The following ERC2 variants were observed in gnomAD, a reference collection of about 807,000 sequenced individuals.
ERC2 encodes the protein ERC protein 2.
Under a neutral mutation model 114.8 loss-of-function variants are expected in ERC2, and 42 were observed. That is an observed-to-expected ratio of 0.37 (90% CI 0.29 to 0.47). The LOEUF is 0.47. ERC2 is among the 20% of genes least tolerant of loss of function. The probability of loss-of-function intolerance (pLI) is 0.99; values close to 1 mark genes in which losing one functional copy is unlikely to be tolerated. For missense variants in ERC2, 939 were observed against 1,150.7 expected (o/e 0.82, Z 2.66); for synonymous variants, 454 against 425.5 (o/e 1.07, Z -0.82).
At chr3:55,553,451 T>G (rs2055368489) in intron 17 of ERC2, among the ~76,000 whole-genome samples, 1 of 152,028 alleles carries the variant, frequency 6.6e-6, no homozygotes, top group African/African-American at 2.4e-5. Flanking sequence ...GGAGGTATTG[T>G]GGGGTTAAGG....
At chr3:56,115,818 T>C (rs2079198595) in intron 6 of ERC2, among the ~76,000 whole-genome samples, 1 of 152,050 alleles carries the variant, frequency 6.6e-6, no homozygotes, top group African/African-American at 2.4e-5. Flanking sequence ...ATGCCTTTCA[T>C]ATGCAAGCCA....
chr3:55,549,979 G>C (rs1452353455), intron 17 of ERC2, among the ~76,000 whole-genome samples: 1 of 145,336 alleles, frequency 6.9e-6, no homozygotes, highest in Non-Finnish European at 1.5e-5. Context: ...AGAGAGAGGG[G>C]AAATACTATG....
intron 13 of ERC2, among the ~76,000 whole-genome samples, chr3:55,929,177 C>A (rs939766596): frequency 2.6e-5 from 4 of 152,178 alleles, no homozygotes; most frequent in African/African-American, 9.7e-5. Context: ...CCCTAAGCCA[C>A]AGGGACTGGG....
chr3:56,058,297 G>A (rs550532733), intron 7 of ERC2, among the ~76,000 whole-genome samples: 10 of 152,234 alleles, frequency 6.6e-5, no homozygotes. Flanking sequence ...TTAATCCAAC[G>A]GCTGGCTCTT....
intron 17 of ERC2, among the ~76,000 whole-genome samples, chr3:55,623,483 G>T (rs1357751628): frequency 2.0e-5 from 3 of 152,032 alleles, no homozygotes; most frequent in Non-Finnish European, 2.9e-5. Context: ...TAACTTCCTG[G>T]TTCTCTTCGC....
intron 7 of ERC2, among the ~76,000 whole-genome samples, chr3:56,037,339 G>A (rs372803410): frequency 1.4e-4 from 22 of 152,236 alleles, no homozygotes; most frequent in African/African-American, 4.6e-4. Context: ...GAGAATAACC[G>A]GTTTAGAGAG....
At chr3:55,917,675 G>C (rs1039698334) in intron 13 of ERC2, among the ~76,000 whole-genome samples, 11 of 152,128 alleles carry the variant, frequency 7.2e-5, no homozygotes, top group Admixed American at 5.9e-4. Flanking sequence ...ACTGGTTATA[G>C]GTACAGAGTT....
chr3:56,009,659 C>T (rs6770390), intron 9 of ERC2, among the ~76,000 whole-genome samples: 6,358 of 152,140 alleles, frequency 0.042, 455 homozygotes, highest in African/African-American at 0.14. Flanking sequence ...GCAATCTCCA[C>T]GCATCTCAGA....
intron 2 of ERC2, among the ~76,000 whole-genome samples, chr3:56,313,726 T>C (rs2056732239): frequency 6.6e-6 from 1 of 152,222 alleles, no homozygotes; most frequent in Non-Finnish European, 1.5e-5. Context: ...AGTATAGAAT[T>C]AGCCTGGCTT....
At chr3:56,173,608 G>T in intron 3 of ERC2, 88 bp from the exon 4 acceptor site, 1 of 1,253,142 alleles carries the variant, frequency 8.0e-7, no homozygotes, top group South Asian at 1.3e-5. Context: ...AGCCTGCTGG[G>T]TCCTGGTTCC....
chr3:55,712,211 A>C (rs996481969), intron 15 of ERC2, among the ~76,000 whole-genome samples: 18 of 152,264 alleles, frequency 1.2e-4, no homozygotes, highest in African/African-American at 4.3e-4. Flanking sequence ...ATATCTAAAG[A>C]AAATTAGTTG....
chr3:56,227,468 T>C (rs1260681424), intron 3 of ERC2, among the ~76,000 whole-genome samples: 1 of 151,402 alleles, frequency 6.6e-6, no homozygotes, highest in Non-Finnish European at 1.5e-5. Context: ...GGTCCCTCCC[T>C]ACAAGGGCAT....
intron 14 of ERC2, among the ~76,000 whole-genome samples, chr3:55,803,301 G>A (rs909459829): frequency 4.6e-5 from 7 of 152,034 alleles, no homozygotes; most frequent in Non-Finnish European, 8.8e-5. Context: ...AATTAAATAA[G>A]TGATATTTTT....
chr3:56,066,424 G>T (rs1328433376), intron 7 of ERC2, among the ~76,000 whole-genome samples: 1 of 152,064 alleles, frequency 6.6e-6, no homozygotes, highest in East Asian at 1.9e-4. Context: ...TTGTAAATTT[G>T]TTTAAGTTCC....
intron 17 of ERC2, among the ~76,000 whole-genome samples, chr3:55,637,958 T>G (rs986722740): frequency 1.3e-5 from 2 of 152,192 alleles, no homozygotes; most frequent in Non-Finnish European, 2.9e-5. Context: ...GTTAACACTT[T>G]TAGCCCAAGG....
At chr3:56,281,916 G>T (rs2054374516) in intron 3 of ERC2, among the ~76,000 whole-genome samples, 1 of 152,210 alleles carries the variant, frequency 6.6e-6, no homozygotes, top group Non-Finnish European at 1.5e-5. Context: ...TTGATCCTGA[G>T]GAGAGAAGTC....
chr3:56,148,811 A>T (rs1262359145), intron 5 of ERC2, among the ~76,000 whole-genome samples, 166 bp downstream of exon 5: 1 of 152,152 alleles, frequency 6.6e-6, no homozygotes, highest in East Asian at 1.9e-4. Flanking sequence ...TGTTTTTTGG[A>T]ATCTATATGT....
intron 17 of ERC2, among the ~76,000 whole-genome samples, chr3:55,584,402 T>G (rs1417055167): frequency 6.6e-6 from 1 of 152,226 alleles, no homozygotes; most frequent in African/African-American, 2.4e-5. Context: ...CAATGGCTGC[T>G]ATGACTACTA....
chr3:56,442,435 G>A (rs189753221), intron 1 of ERC2, among the ~76,000 whole-genome samples: 3 of 152,184 alleles, frequency 2.0e-5, no homozygotes, highest in Middle Eastern at 3.4e-3. Flanking sequence ...GCCCAGGCTT[G>A]ATCTTCAACT....
Sources: gnomAD v4.1 joint callset for allele counts (sites outside exome capture counted in the v4.1 genomes callset) on GRCh38, gnomAD v4.1.1 for gene constraint, MANE v1.5 for transcripts, NCBI Gene and HGNC (gene_info 2026-07-23, HGNC 2026-07-21) for gene names.